The following USH2A variants were observed in gnomAD, a reference collection of about 807,000 sequenced individuals.
USH2A encodes Usher syndrome 2A (autosomal recessive, mild).
In USH2A, 443 loss-of-function variants were observed where a neutral mutation model predicts 538.9. The ratio of observed to expected loss-of-function variants is 0.82; its 90% CI spans 0.76 to 0.89. The LOEUF is 0.89. Ranked by LOEUF, USH2A falls within the 40% of genes least tolerant of loss-of-function variation. The probability of loss-of-function intolerance (pLI) is 0.00; values close to 1 mark genes in which losing one functional copy is unlikely to be tolerated. For missense variants in USH2A, 6,633 were observed against 6,324.8 expected, an observed-to-expected ratio of 1.05 and a Z score of -1.65; for synonymous variants, 2,413 against 2,273.5, an observed-to-expected ratio of 1.06 and a Z score of -1.75.
At chr1:216,161,025 A>C (rs2102628634) in intron 21 of USH2A, among the ~76,000 whole-genome samples, 1 of 152,246 alleles carries the variant, frequency 6.6e-6, no homozygotes, top group Non-Finnish European at 1.5e-5. Flanking sequence ...TTGTCTTAAA[A>C]TCTATCTATA....
At chr1:216,132,847 C>A (rs1308895890) in intron 21 of USH2A, among the ~76,000 whole-genome samples, 1 of 152,118 alleles carries the variant, frequency 6.6e-6, no homozygotes, top group African/African-American at 2.4e-5. Flanking sequence ...AAAGCCTGCT[C>A]TCAGCTGCTT....
chr1:216,235,360 A>C (rs896716724), intron 13 of USH2A, among the ~76,000 whole-genome samples: 3 of 152,174 alleles, frequency 2.0e-5, no homozygotes, highest in African/African-American at 7.2e-5. Flanking sequence ...ATTCTTAAGC[A>C]TGGTCATTAG....
Position 216,239,909 on chromosome 1 carries a change from G to C in USH2A, c.2809+6676C>G, listed in dbSNP as rs144920884. On this transcript the variant is annotated intron_variant, in intron 13 of 71. Coordinates refer to ENST00000307340, the MANE Select transcript of USH2A (RefSeq NM_206933.4). ...GGCTCAAGGATGTCTGCAAAGATTT[G>C]GTCTGAAAAGATTAAAACCTCAAAA... Among the ~76,000 whole-genome samples the C allele has an allele frequency of 6.0e-5, 9 of 151,074 alleles. No homozygotes were observed. The East Asian group carries it at 1.8e-3, about 30-fold the overall frequency.
chr1:215,727,489 G>A (rs1488534813), intron 61 of USH2A, among the ~76,000 whole-genome samples: 1 of 152,162 alleles, frequency 6.6e-6, no homozygotes, highest in African/African-American at 2.4e-5. Context: ...AACTTTGGGA[G>A]GCTGAGGCAG....
chr1:215,686,312 G>A (rs1658422319), intron 61 of USH2A, among the ~76,000 whole-genome samples: 1 of 152,066 alleles, frequency 6.6e-6, no homozygotes, highest in Non-Finnish European at 1.5e-5. Context: ...TTATTCAGAA[G>A]AAAGGGGGTG....
intron 13 of USH2A, among the ~76,000 whole-genome samples, chr1:216,238,660 T>C (rs1300373744): frequency 6.6e-6 from 1 of 152,238 alleles, no homozygotes; most frequent in Non-Finnish European, 1.5e-5. Context: ...TTTACTTGAA[T>C]TAAACCTATT....
At chr1:215,794,037 A>C (rs1180413542) in intron 50 of USH2A, among the ~76,000 whole-genome samples, 1 of 152,238 alleles carries the variant, frequency 6.6e-6, no homozygotes, top group African/African-American at 2.4e-5. Context: ...AAATCTATTC[A>C]AAGAAAATGG....
chr1:216,411,525 C>T (rs2039489789), intron 3 of USH2A, among the ~76,000 whole-genome samples: 1 of 152,086 alleles, frequency 6.6e-6, no homozygotes, highest in African/African-American at 2.4e-5. Context: ...AGGAGAGGAC[C>T]ATATGATAAT....
At chr1:215,998,865 A>G (rs751202436) in intron 34 of USH2A, 22 bp downstream of exon 34, 1 of 1,610,238 alleles carries the variant, frequency 6.2e-7, no homozygotes, top group Admixed American at 1.7e-5. Flanking sequence ...GGGGACAGAG[A>G]AAGTGATGGA....
intron 32 of USH2A, among the ~76,000 whole-genome samples, chr1:216,008,864 G>A (rs190189578): frequency 3.3e-4 from 50 of 152,104 alleles, no homozygotes; most frequent in African/African-American, 8.9e-4. Flanking sequence ...AAACTCTGGC[G>A]CCAGTCACGG....
intron 32 of USH2A, among the ~76,000 whole-genome samples, chr1:216,033,660 G>A (rs768953469): frequency 4.6e-4 from 70 of 152,120 alleles, no homozygotes; most frequent in Non-Finnish European, 9.4e-4. Flanking sequence ...AGACCAGCCT[G>A]GGCAACATGG....
intron 44 of USH2A, among the ~76,000 whole-genome samples, chr1:215,846,716 C>T (rs1001914615): frequency 7.2e-5 from 11 of 152,074 alleles, no homozygotes; most frequent in African/African-American, 2.7e-4. Flanking sequence ...TGAAAGTATA[C>T]AGTACATAGA....
In USH2A at chr1:216,422,037, A is replaced by T. The variant is rs1162694249; in HGVS notation, c.300T>A (p.Leu100=). 2 of 1,613,790 alleles carry T rather than the reference A, an allele frequency of 1.2e-6. No homozygotes were observed. Among genetic ancestry groups the T allele is most frequent in the Non-Finnish European group, 1.7e-6 (2 of 1,179,944 alleles). ...TGCAGCTACTGAGGCCTGCTGAGAA[A>T]AGGGCAGTGTAGGTAGGGTGTGAAG... ...YRSSHPTYTA[L]FSAGLSSCIT... is the part of the protein sequence containing the mutation. Residue 100 remains leucine (L), a synonymous_variant, in exon 2 of 72, where the codon CTT becomes CTA. Coordinates refer to ENST00000307340, the MANE Select transcript of USH2A (RefSeq NM_206933.4).
intron 67 of USH2A, among the ~76,000 whole-genome samples, chr1:215,645,933 A>C (rs1004688256): frequency 6.6e-5 from 10 of 152,182 alleles, no homozygotes; most frequent in Admixed American, 2.6e-4. Context: ...TAAAAAAAAA[A>C]CAAAATGTCC....
intron 38 of USH2A, among the ~76,000 whole-genome samples, chr1:215,913,259 C>A (rs1665860763): frequency 6.6e-6 from 1 of 151,978 alleles, no homozygotes; most frequent in African/African-American, 2.4e-5. Flanking sequence ...TCAAGTGGAG[C>A]AAGACTGGCA....
intron 61 of USH2A, among the ~76,000 whole-genome samples, chr1:215,720,302 A>C (rs1007718827): frequency 6.6e-6 from 1 of 152,204 alleles, no homozygotes; most frequent in Non-Finnish European, 1.5e-5. Context: ...ATCCAAGAGA[A>C]GCTCTTGAAG....
At chr1:216,342,162 C>T (rs1250771356) in intron 4 of USH2A, among the ~76,000 whole-genome samples, 1 of 151,920 alleles carries the variant, frequency 6.6e-6, no homozygotes, top group Non-Finnish European at 1.5e-5. Flanking sequence ...AGAAAACAAC[C>T]CCATCAAAAA....
chr1:215,761,682 C>T (rs2102743995), intron 56 of USH2A, among the ~76,000 whole-genome samples: 1 of 152,236 alleles, frequency 6.6e-6, no homozygotes, highest in African/African-American at 2.4e-5. Flanking sequence ...GGAGTTTATA[C>T]TTCTGTCTAA....
intron 37 of USH2A, among the ~76,000 whole-genome samples, chr1:215,944,923 C>A (rs1363188825): frequency 2.0e-5 from 3 of 152,000 alleles, no homozygotes; most frequent in Non-Finnish European, 4.4e-5. Flanking sequence ...CTGAAAGTAA[C>A]AAATGCAGTG....
Sources: allele counts gnomAD v4.1 joint callset (sites outside exome capture counted in the v4.1 genomes callset), GRCh38; gene constraint gnomAD v4.1.1; transcripts MANE v1.5; gene names NCBI Gene and HGNC (gene_info 2026-07-23, HGNC 2026-07-21).